The following NIPBL variants were observed in gnomAD, a reference collection of about 807,000 sequenced individuals.
NIPBL encodes the protein NIPBL cohesin loading factor.
In NIPBL, 19 loss-of-function variants were observed where a neutral mutation model predicts 321.8. That is an observed-to-expected ratio of 0.06 (90% CI 0.04 to 0.09). The LOEUF is 0.09. Among genes scored for constraint, NIPBL ranks in the 10% least tolerant of loss-of-function variants. The pLI, the probability that NIPBL is intolerant of heterozygous loss-of-function variation, is 1.00. For synonymous variants in NIPBL, 1,106 were observed against 1,114.1 expected (o/e 0.99, Z 0.14); for missense variants, 2,210 against 3,327.0 (o/e 0.66, Z 8.26).
chr5:36,935,609 A>T (rs1466608109), intron 1 of NIPBL, among the ~76,000 whole-genome samples: 2 of 152,100 alleles, frequency 1.3e-5, no homozygotes, highest in African/African-American at 4.8e-5. Context: ...GTTTCTTTTC[A>T]GTTCTTTTTG....
At position 37,065,145 on chromosome 5, in the gene NIPBL, A is replaced by G. The variant is rs1755252577; in HGVS notation, c.*253A>G. 3 of 490,478 alleles carry G rather than the reference A, an allele frequency of 6.1e-6. No homozygotes were observed. In the South Asian group the frequency reaches 7.3e-5, roughly 12 times the overall value. The allele number at this position is 490,478 out of a possible 1,614,324, so 30.4% of individuals were successfully genotyped here. ...TTAACAAAAATTGTTTATATCTTGG[A>G]AAAAAAACTTTCTGTTTAAAAAAAA... On this transcript the variant is annotated 3_prime_UTR_variant, in exon 47 of 47. Transcript: ENST00000282516.
intron 34 of NIPBL, among the ~76,000 whole-genome samples, chr5:37,043,016 G>T (rs755849128): frequency 2.6e-5 from 4 of 151,456 alleles, no homozygotes; most frequent in Non-Finnish European, 4.4e-5. Context: ...CTACCTTTTG[G>T]TTTTTTTTAA....
chr5:36,910,033 G>A (rs1220580612), intron 1 of NIPBL, among the ~76,000 whole-genome samples: 1 of 151,192 alleles, frequency 6.6e-6, no homozygotes, highest in African/African-American at 2.4e-5. Context: ...CGGAGATCAC[G>A]CCACTGCATT....
rs1747933406 is a variant in NIPBL at position 37,010,100 on chromosome 5, G to A, written c.4435G>A (p.Asp1479Asn). 4 of 1,611,424 alleles carry A rather than the reference G, an allele frequency of 2.5e-6. No individual in the cohort carries two copies. Among genetic ancestry groups the A allele is most frequent in the Non-Finnish European group, 3.4e-6 (4 of 1,177,826 alleles). The change falls in exon 21 of 47, where the codon GAT becomes AAT. Residue 1479 changes from aspartate (D) to asparagine (N), a missense_variant. By Grantham distance (23) the Asp-to-Asn change is conservative. Around this residue, in one of 14 missense-constraint regions of NIPBL, gnomAD observed 381 missense variants for 642.3 expected, o/e 0.59. Coordinates refer to ENST00000282516, the MANE Select transcript of NIPBL (RefSeq NM_133433.4). ...SLRNFRLNSS[D>N]MDGEPMYIQM... is the part of the protein sequence containing the mutation. The stretch of plus-strand genomic sequence containing the variant: ...TCTTCATTAAAGGTTAAACAGTAGT[G>A]ATATGGATGGAGAACCTATGTATAT...
intron 1 of NIPBL, among the ~76,000 whole-genome samples, chr5:36,880,268 A>G (rs1250897458): frequency 6.6e-6 from 1 of 152,046 alleles, no homozygotes; most frequent in Non-Finnish European, 1.5e-5. Flanking sequence ...ATATTTGAAC[A>G]TATCTGTGTT....
At chr5:37,015,552 A>C (rs937344424) in intron 22 of NIPBL, among the ~76,000 whole-genome samples, 3 of 152,116 alleles carry the variant, frequency 2.0e-5, no homozygotes, top group Non-Finnish European at 2.9e-5. Flanking sequence ...CAGCGTGGTG[A>C]AACCCTGTCT....
chr5:37,007,838 T>C (rs1382201438), intron 18 of NIPBL, among the ~76,000 whole-genome samples, 170 bp from the exon 19 acceptor site: 1 of 152,028 alleles, frequency 6.6e-6, no homozygotes, highest in Non-Finnish European at 1.5e-5. Flanking sequence ...TAACGTGCTT[T>C]GAGGATGAAG....
chr5:37,008,236 A>G, intron 19 of NIPBL, 148 bp downstream of exon 19: 1 of 635,470 alleles, frequency 1.6e-6, no homozygotes, highest in Non-Finnish European at 2.8e-6. Context: ...GTCTTATTAG[A>G]CTTTATTAAT....
In NIPBL at chr5:36,995,627, A is replaced by G. The variant is rs781054477; in HGVS notation, c.3127A>G (p.Ile1043Val). 1.9e-6 allele frequency: 3 copies of G among 1,608,946 alleles called. No individual in the cohort carries two copies. Among genetic ancestry groups the G allele is most frequent in the Middle Eastern group, 3.3e-4 (2 of 6,044 alleles). Residue 1043 changes from isoleucine to valine, a missense_variant, in exon 11 of 47, where the codon ATA (isoleucine) becomes GTA (valine). Physicochemically the swap from Ile to Val is conservative, Grantham distance 29. Transcript: ENST00000282516. ...AATTTACCTTTCATTAATAGGTAGT[A>G]TAGATCAATCAGTGTTAAAAGAATT... ...NKPSKSNKGS[I>V]DQSVLKELPP... is the part of the protein sequence containing the mutation.
chr5:37,022,127 T>C lies in NIPBL; in HGVS notation c.5405T>C (p.Val1802Ala). The C allele has an allele frequency of 6.2e-7, 1 of 1,614,180 alleles. No individual in the cohort carries two copies. Among genetic ancestry groups the C allele is most frequent in the South Asian group, 1.1e-5 (1 of 91,082 alleles). Residue 1802 changes from valine to alanine, a missense_variant, in exon 28 of 47, where the codon GTA (valine) becomes GCA (alanine). Around this residue, in one of 14 missense-constraint regions of NIPBL, gnomAD observed 49 missense variants for 163.6 expected, o/e 0.30. Transcript: ENST00000282516. ...AAGTGTTTGTCTGAGGTTGTTGCTG[T>C]AGACCCCAGTATTCTAGCAAGGGTA... ...AMKCLSEVVA[V>A]DPSILARLDM... is the part of the protein sequence containing the mutation.
At chr5:36,902,569 A>G (rs1359047319) in intron 1 of NIPBL, among the ~76,000 whole-genome samples, 1 of 151,852 alleles carries the variant, frequency 6.6e-6, no homozygotes, top group African/African-American at 2.4e-5. Flanking sequence ...GTGTGGCTTT[A>G]TTTCTGGGCT....
At chr5:36,928,184 TTAATA>T (rs1048401042) in intron 1 of NIPBL, among the ~76,000 whole-genome samples, 3 of 152,180 alleles carry the variant, frequency 2.0e-5, no homozygotes, top group South Asian at 2.1e-4. Flanking sequence ...CCTTCCTACT[TTAATA>T]TATCAGTGAA....
chr5:37,029,498 G>C (rs1750708174), intron 32 of NIPBL, among the ~76,000 whole-genome samples: 1 of 152,068 alleles, frequency 6.6e-6, no homozygotes, highest in Admixed American at 6.5e-5. Context: ...TTTCCAGTTT[G>C]GGGTGTTATG....
intron 32 of NIPBL, among the ~76,000 whole-genome samples, chr5:37,030,378 C>CAT (rs143607729): frequency 9.9e-4 from 149 of 150,732 alleles, no homozygotes; most frequent in South Asian, 2.5e-3. Flanking sequence ...AAAGCAAACT[C>CAT]ATATATATAT....
intron 1 of NIPBL, among the ~76,000 whole-genome samples, chr5:36,880,422 G>A (rs577141077): frequency 1.6e-3 from 247 of 152,090 alleles, no homozygotes; most frequent in African/African-American, 5.4e-3. Context: ...ATTAGGAAAA[G>A]CATAATTTGG....
chr5:36,886,367 A>AGAACTT, intron 1 of NIPBL: 1 of 720,386 alleles, frequency 1.4e-6, no homozygotes. Flanking sequence ...GAAGATGGCA[A>AGAACTT]GAACTTCAGT....
intron 32 of NIPBL, among the ~76,000 whole-genome samples, chr5:37,031,184 C>T (rs1181146569): frequency 6.6e-6 from 1 of 152,144 alleles, no homozygotes; most frequent in East Asian, 1.9e-4. Flanking sequence ...CGGGGTTTCA[C>T]CATGTTGGCC....
In NIPBL at chr5:37,008,771, A is replaced by T. The variant is rs768246287; in HGVS notation, c.4421+48A>T. On this transcript the variant is annotated intron_variant, in intron 20 of 46. Transcript: ENST00000282516. ...AAGTTTAATGAAGAACCACCATTAT[A>T]TTGAACCGTCATACATTTATTCTTC... 5 of 924,884 alleles carry T rather than the reference A, an allele frequency of 5.4e-6. No individual in the cohort carries two copies. In the East Asian group the frequency reaches 9.6e-5, roughly 18 times the overall value. The allele number at this position is 924,884 out of a possible 1,614,324, so 57.3% of individuals were successfully genotyped here.
intron 33 of NIPBL, among the ~76,000 whole-genome samples, chr5:37,037,401 ATATATATG>A (rs1308545353): frequency 2.7e-5 from 4 of 146,832 alleles, no homozygotes; most frequent in African/African-American, 1.0e-4. Context: ...AAATATATAT[ATATATATG>A]TATATATATA....
Sources: gnomAD v4.1 joint callset for allele counts (sites outside exome capture counted in the v4.1 genomes callset) on GRCh38, gnomAD v4.1.1 for gene constraint, gnomAD v4.1.1 regional missense constraint, MANE v1.5 for transcripts, NCBI Gene and HGNC (gene_info 2026-07-23, HGNC 2026-07-21) for gene names.